Variants in DPYS observed in about 807,000 individuals in gnomAD.
DPYS encodes the protein dihydropyrimidine amidohydrolase.
Under a neutral mutation model 50.3 loss-of-function variants are expected in DPYS, and 39 were observed. That is an observed-to-expected ratio of 0.78 (90% CI 0.60 to 1.01). The LOEUF (loss-of-function observed/expected upper bound fraction) is 1.01, where lower values mean the gene tolerates loss of function less well. Among genes scored for constraint, DPYS ranks in the 50% least tolerant of loss-of-function variants. The pLI is 0.00. For missense variants in DPYS, 659 were observed against 680.9 expected (o/e 0.97, Z 0.36); for synonymous variants, 245 against 250.7 (o/e 0.98, Z 0.22).
At position 104,407,413 on chromosome 8, in the gene DPYS, G is replaced by A. The variant is rs148418836; in HGVS notation, c.1236-14422C>T. 2.0e-3 allele frequency among the ~76,000 whole-genome samples: 311 copies of A among 152,262 alleles called. 1 individual carries two copies. The highest frequency in any genetic ancestry group is 5.6e-3 in the African/African-American group (231 of 41,556). On this transcript the variant is annotated intron_variant, in intron 7 of 9. Transcript: ENST00000351513. ...ACATAACAGGAGGTAGGATGATTAG[G>A]GATAAAAACAGAACAGGAAAACATT...
At chr8:104,400,945 A>G (rs2140542681) in intron 7 of DPYS, among the ~76,000 whole-genome samples, 1 of 152,358 alleles carries the variant, frequency 6.6e-6, no homozygotes, top group South Asian at 2.1e-4. Flanking sequence ...TGAGAAAATC[A>G]CTGAAGCAGA....
chr8:104,459,600 A>G (rs929840782), intron 1 of DPYS, among the ~76,000 whole-genome samples: 7 of 152,220 alleles, frequency 4.6e-5, no homozygotes, highest in Non-Finnish European at 8.8e-5. Flanking sequence ...ACTGTAGCAT[A>G]AATATTATTT....
At chr8:104,459,741 T>C (rs1258465791) in intron 1 of DPYS, among the ~76,000 whole-genome samples, 2 of 152,184 alleles carry the variant, frequency 1.3e-5, no homozygotes, top group Admixed American at 6.5e-5. Context: ...TCTAGGAGTT[T>C]CACAACCAGG....
chr8:104,403,700 T>G (rs1296853659), intron 7 of DPYS, among the ~76,000 whole-genome samples: 1 of 152,198 alleles, frequency 6.6e-6, no homozygotes, highest in East Asian at 1.9e-4. Context: ...GCATAAATGC[T>G]GACAGAGGAA....
At chr8:104,389,830 T>C (rs1250647123) in intron 8 of DPYS, among the ~76,000 whole-genome samples, 2 of 152,206 alleles carry the variant, frequency 1.3e-5, no homozygotes, top group African/African-American at 4.8e-5. Context: ...AAAACAATGA[T>C]GCACTAAAAT....
At position 104,381,333 on chromosome 8, in the gene DPYS, T is replaced by C. The variant is rs760059736; in HGVS notation, c.1444-19A>G. On this transcript the variant is annotated intron_variant, in intron 8 of 9. Transcript: ENST00000351513. ...TGCAAGTCTGAAAGAGAACATTTCA[T>C]TTCTCTCTTGTGGTTTATTTTCTTG... 1 of 1,599,082 alleles carries C rather than the reference T, an allele frequency of 6.3e-7. No individual in the cohort carries two copies. The highest frequency in any genetic ancestry group is 8.6e-7 in the Non-Finnish European group (1 of 1,166,346).
intron 8 of DPYS, among the ~76,000 whole-genome samples, chr8:104,388,298 A>C (rs73699420): frequency 6.6e-6 from 1 of 152,214 alleles, no homozygotes; most frequent in African/African-American, 2.4e-5. Flanking sequence ...ACATCACTCC[A>C]TGAAGCTATT....
rs1451430543 is a variant in DPYS, at chr8:104,401,703, CTT to C, written c.1236-8714_1236-8713del. Among the ~76,000 whole-genome samples, 8 of 152,256 alleles carry C rather than the reference CTT, an allele frequency of 5.3e-5. No homozygotes were observed. In the East Asian group the frequency reaches 1.5e-3, roughly 29 times the overall value. On this transcript the variant is annotated intron_variant, in intron 7 of 9. Coordinates refer to ENST00000351513, the MANE Select transcript of DPYS (RefSeq NM_001385.3). ...TTCTTGATGTAATCACCATAGAAGA[CTT>C]TTTCTAAGTGTGTGTTCTGTCTATT...
At chr8:104,402,418 T>G (rs1018273155) in intron 7 of DPYS, among the ~76,000 whole-genome samples, 1 of 152,216 alleles carries the variant, frequency 6.6e-6, no homozygotes, top group Non-Finnish European at 1.5e-5. Flanking sequence ...GTATGTCTTA[T>G]GAATATTAAA....
chr8:104,386,045 A>G (rs766963905), intron 8 of DPYS, among the ~76,000 whole-genome samples: 105 of 152,346 alleles, frequency 6.9e-4, no homozygotes, highest in Middle Eastern at 3.4e-3. Flanking sequence ...GTAAATGAGA[A>G]TTGAACTTGA....
intron 1 of DPYS, among the ~76,000 whole-genome samples, chr8:104,455,929 T>C (rs1813906713): frequency 6.6e-6 from 1 of 152,200 alleles, no homozygotes; most frequent in African/African-American, 2.4e-5. Flanking sequence ...TACATATAAA[T>C]ATATGACACA....
chr8:104,444,982 C>T (rs1313506861), intron 3 of DPYS, among the ~76,000 whole-genome samples: 1 of 152,132 alleles, frequency 6.6e-6, no homozygotes, highest in African/African-American at 2.4e-5. Context: ...TCAAAGAAGA[C>T]ATACAAATGG....
intron 4 of DPYS, among the ~76,000 whole-genome samples, chr8:104,444,046 G>C (rs1032245193): frequency 2.0e-5 from 3 of 152,148 alleles, no homozygotes; most frequent in South Asian, 4.1e-4. Context: ...TGAAGGTAGA[G>C]AGGCAAGGAT....
intron 6 of DPYS, among the ~76,000 whole-genome samples, chr8:104,427,371 C>T (rs1193832890): frequency 2.0e-5 from 3 of 150,574 alleles, no homozygotes; most frequent in Non-Finnish European, 3.0e-5. Flanking sequence ...CTCTGCCTCA[C>T]AAGTTCAAGC....
intron 8 of DPYS, chr8:104,381,544 A>C (rs569167825): frequency 4.2e-6 from 2 of 480,970 alleles, no homozygotes; most frequent in East Asian, 8.4e-5. Context: ...AGGGACACTC[A>C]CTGGGGCCTC....
intron 7 of DPYS, among the ~76,000 whole-genome samples, chr8:104,394,358 G>A (rs1313991648): frequency 6.6e-6 from 1 of 152,118 alleles, no homozygotes; most frequent in African/African-American, 2.4e-5. Flanking sequence ...CAGAATTCTT[G>A]ACTTGTAATG....
intron 8 of DPYS, among the ~76,000 whole-genome samples, chr8:104,381,791 T>C (rs1811053579): frequency 6.6e-6 from 1 of 151,880 alleles, no homozygotes; most frequent in Non-Finnish European, 1.5e-5. Context: ...TGACCGACTA[T>C]GCAGCAGAAC....
At chr8:104,465,309 T>C (rs4281090) in intron 1 of DPYS, among the ~76,000 whole-genome samples, 86,512 of 149,926 alleles carry the variant, frequency 0.58, 25,378 homozygotes, top group African/African-American at 0.7. Flanking sequence ...AGGGAGGGAG[T>C]GATGGAGAGA....
chr8:104,459,774 A>G (rs1814060313), intron 1 of DPYS, among the ~76,000 whole-genome samples: 1 of 152,150 alleles, frequency 6.6e-6, no homozygotes, highest in African/African-American at 2.4e-5. Context: ...ATCACTAGAG[A>G]CTTGGAAGCT....
Sources: gnomAD v4.1 joint callset for allele counts (sites outside exome capture counted in the v4.1 genomes callset) on GRCh38, gnomAD v4.1.1 for gene constraint, MANE v1.5 for transcripts, NCBI Gene and HGNC (gene_info 2026-07-23, HGNC 2026-07-21) for gene names.